GABRG1: variants seen among roughly 807,000 people sequenced by gnomAD.
GABRG1 encodes the protein gamma-aminobutyric acid receptor subunit gamma-1.
In GABRG1, 49 loss-of-function variants were observed where a neutral mutation model predicts 49.8. That is an observed-to-expected ratio of 0.98 (90% CI 0.78 to 1.25). The LOEUF (loss-of-function observed/expected upper bound fraction) is 1.25. Among genes scored for constraint, GABRG1 ranks in the 50% most tolerant of loss-of-function variants. The pLI is 0.00. For missense variants in GABRG1, 552 were observed against 552.3 expected (o/e 1.00, Z 0.01); for synonymous variants, 232 against 185.1 (o/e 1.25, Z -2.06).
chr4:46,117,753 CAT>C (rs1257299790), intron 1 of GABRG1, among the ~76,000 whole-genome samples: 5 of 140,550 alleles, frequency 3.6e-5, no homozygotes, highest in Admixed American at 2.2e-4. Context: ...CATATACATA[CAT>C]GTATATACAT....
chr4:46,103,561 T>C (rs1223313342), intron 1 of GABRG1, among the ~76,000 whole-genome samples: 1 of 151,510 alleles, frequency 6.6e-6, no homozygotes, highest in Non-Finnish European at 1.5e-5. Flanking sequence ...AATATTTTAA[T>C]AGCAAATTAA....
rs1174556841 is a variant in GABRG1 at position 46,100,746 on chromosome 4, G to A, written c.105-3397C>T. 2.3e-4 allele frequency among the ~76,000 whole-genome samples: 32 copies of A among 138,344 alleles called. No homozygotes were observed. In the East Asian group the frequency reaches 6.3e-3, roughly 27 times the overall value. The allele number at this position is 138,344 out of a possible 152,430, so 90.8% of individuals were successfully genotyped here. A position where few individuals can be genotyped will look rare whatever the true frequency, so the allele number is the denominator to read the frequency against. ...AAGCTTTTTCTGTTTTTTTTTTTAT[G>A]GTGGCAATATTTTGATAATCTAAAA... On this transcript the variant is annotated intron_variant, in intron 1 of 8. Coordinates refer to ENST00000295452, the MANE Select transcript of GABRG1 (RefSeq NM_173536.4).
intron 1 of GABRG1, among the ~76,000 whole-genome samples, chr4:46,104,121 A>C (rs1192797883): frequency 6.6e-6 from 1 of 151,418 alleles, no homozygotes; most frequent in Non-Finnish European, 1.5e-5. Flanking sequence ...AGTGCCAAAA[A>C]TTTCATATAA....
chr4:46,061,110 A>G (rs1047895042), intron 5 of GABRG1, among the ~76,000 whole-genome samples: 3 of 152,178 alleles, frequency 2.0e-5, no homozygotes, highest in Admixed American at 6.6e-5. Context: ...GAGCTATCAC[A>G]CCAAAATTTA....
chr4:46,080,942 A>G (rs1719543815), intron 3 of GABRG1, among the ~76,000 whole-genome samples: 1 of 151,848 alleles, frequency 6.6e-6, no homozygotes, highest in Non-Finnish European at 1.5e-5. Flanking sequence ...ATTGTTAAAA[A>G]TGCACCTATT....
In GABRG1 at chr4:46,058,362, A is replaced by C. The variant is rs771367844; in HGVS notation, c.771T>G (p.Tyr257Ter). The C allele has an allele frequency of 6.2e-7, 1 of 1,607,994 alleles. No individual in the cohort carries two copies. The highest frequency in any genetic ancestry group is 2.2e-5 in the East Asian group (1 of 44,770). The change falls in exon 7 of 9, where the codon TAT becomes TAG. Residue 257 changes from tyrosine (Y) to a stop codon, truncating the protein, a stop_gained. Coordinates refer to ENST00000295452, the MANE Select transcript of GABRG1 (RefSeq NM_173536.4). LOFTEE classifies it high-confidence loss of function. ...TEITHTISGD[Y>*]VIMTIFFDLS... is the part of the protein sequence containing the mutation. ...GGTCAAAAAAAATTGTCATGATAAC[A>C]TAATCCCCTGTAAGAAAAAAAAGTT...
At chr4:46,071,080 G>A (rs1287846084) in intron 3 of GABRG1, among the ~76,000 whole-genome samples, 5 of 151,928 alleles carry the variant, frequency 3.3e-5, no homozygotes, top group African/African-American at 4.8e-5. Context: ...CCATTCTAAC[G>A]TCCTAGCACA....
Position 46,084,049 on chromosome 4 carries a change from C to T in GABRG1, c.258G>A (p.Arg86=). The T allele has an allele frequency of 3.2e-6, 5 of 1,563,746 alleles. No homozygotes were observed. The highest frequency in any genetic ancestry group is 4.4e-6 in the Non-Finnish European group (5 of 1,141,980). Reference sequence around the variant, plus strand: ...AAACATCAGTTTCAATTACTGTGGGCCTCACTGCAAAATATCAACAAAAAG... The same window carrying T: ...AAACATCAGTTTCAATTACTGTGGGTCTCACTGCAAAATATCAACAAAAAG... ...DNKLRPDIGV[R]PTVIETDVYV... is the part of the protein sequence containing the mutation. Residue 86 remains arginine, a synonymous_variant, in exon 3 of 9, where the codon AGG becomes AGA. Transcript: ENST00000295452.
chr4:46,097,974 A>G (rs1720237775), intron 1 of GABRG1, among the ~76,000 whole-genome samples: 1 of 151,758 alleles, frequency 6.6e-6, no homozygotes, highest in South Asian at 2.1e-4. Context: ...CATCTTGCAC[A>G]TATATTTGGG....
intron 1 of GABRG1, among the ~76,000 whole-genome samples, chr4:46,117,042 A>G (rs889807561): frequency 6.6e-6 from 1 of 150,592 alleles, no homozygotes; most frequent in African/African-American, 2.4e-5. Flanking sequence ...ATGTACAACC[A>G]TTAGTGATTG....
intron 1 of GABRG1, among the ~76,000 whole-genome samples, chr4:46,107,700 AT>A (rs1337007879): frequency 6.6e-6 from 1 of 150,624 alleles, no homozygotes; most frequent in Non-Finnish European, 1.5e-5. Context: ...TCTTATTTTA[AT>A]TTATTTTCTT....
At chr4:46,083,939 A>G (rs1285459955) in intron 3 of GABRG1, 47 bp downstream of exon 3, 10 of 1,021,418 alleles carry the variant, frequency 9.8e-6, no homozygotes, top group South Asian at 5.5e-5. Flanking sequence ...GGAGGTATAC[A>G]CGAGAGATCT....
At chr4:46,111,774 A>T (rs1217699542) in intron 1 of GABRG1, among the ~76,000 whole-genome samples, 1 of 151,364 alleles carries the variant, frequency 6.6e-6, no homozygotes, top group Non-Finnish European at 1.5e-5. Context: ...GTGCTGGAAT[A>T]GTTGGCTAGC....
At chr4:46,074,758 A>G (rs1028531852) in intron 3 of GABRG1, among the ~76,000 whole-genome samples, 1 of 152,158 alleles carries the variant, frequency 6.6e-6, no homozygotes, top group Admixed American at 6.6e-5. Flanking sequence ...AACACATTGA[A>G]TAAGGGATAA....
At chr4:46,052,414 G>A (rs1315127134) in intron 7 of GABRG1, among the ~76,000 whole-genome samples, 3 of 151,756 alleles carry the variant, frequency 2.0e-5, no homozygotes, top group South Asian at 2.1e-4. Flanking sequence ...CAATGTTTAA[G>A]TGAGGAATAC....
chr4:46,094,994 A>G (rs1160115623), intron 2 of GABRG1, among the ~76,000 whole-genome samples: 1 of 151,976 alleles, frequency 6.6e-6, no homozygotes, highest in Non-Finnish European at 1.5e-5. Flanking sequence ...AAATTTAGGA[A>G]TAAGAAAAAA....
At chr4:46,076,703 C>T (rs971722271) in intron 3 of GABRG1, among the ~76,000 whole-genome samples, 4 of 151,512 alleles carry the variant, frequency 2.6e-5, no homozygotes, top group Non-Finnish European at 4.4e-5. Context: ...AATTACCAAG[C>T]AGTACATTCT....
At chr4:46,101,139 A>G (rs1471567941) in intron 1 of GABRG1, among the ~76,000 whole-genome samples, 2 of 151,684 alleles carry the variant, frequency 1.3e-5, no homozygotes, top group East Asian at 3.9e-4. Context: ...ATGATTTTTT[A>G]AAAATAATAC....
chr4:46,094,882 A>G (rs943897233), intron 2 of GABRG1, among the ~76,000 whole-genome samples: 1 of 151,986 alleles, frequency 6.6e-6, no homozygotes, highest in African/African-American at 2.4e-5. Flanking sequence ...GAATTAAGAT[A>G]CGAAGATCCA....
Sources: allele counts gnomAD v4.1 joint callset (sites outside exome capture counted in the v4.1 genomes callset), GRCh38; gene constraint gnomAD v4.1.1; transcripts MANE v1.5; gene names NCBI Gene and HGNC (gene_info 2026-07-23, HGNC 2026-07-21).